Variants in DLG2 observed in about 807,000 individuals in gnomAD.
DLG2 encodes the protein discs large MAGUK scaffold protein 2, also known as disks large homolog 2.
DLG2 carries 45 observed loss-of-function variants against 132.5 expected under a neutral mutation model. That is an observed-to-expected ratio of 0.34 (90% confidence interval 0.27 to 0.44). The LOEUF is 0.44. Among genes scored for constraint, DLG2 ranks in the 20% least tolerant of loss-of-function variants. The pLI is 1.00. For synonymous variants in DLG2, 424 were observed against 419.6 expected (o/e 1.01, Z -0.13); for missense variants, 1,045 against 1,196.9 (o/e 0.87, Z 1.87).
chr11:85,055,965 A>G (rs535771509), intron 6 of DLG2, among the ~76,000 whole-genome samples: 5 of 152,286 alleles, frequency 3.3e-5, no homozygotes, highest in African/African-American at 1.2e-4. Flanking sequence ...CATTAAAGTG[A>G]TATCCCTGTA....
At chr11:84,475,681 G>C (rs2099119734) in intron 7 of DLG2, among the ~76,000 whole-genome samples, 1 of 152,096 alleles carries the variant, frequency 6.6e-6, no homozygotes. Flanking sequence ...TGTTTAGAGA[G>C]CATCACTGCA....
rs995356095 is a variant in DLG2, at chr11:84,230,270, G to T, written c.573+20968C>A. Among the ~76,000 whole-genome samples, 4 of 152,064 alleles carry T rather than the reference G, an allele frequency of 2.6e-5. No individual in the cohort carries two copies. The South Asian group carries it at 8.3e-4, about 31-fold the overall frequency. On this transcript the variant is annotated intron_variant, in intron 8 of 27. Coordinates refer to ENST00000376104, the MANE Select transcript of DLG2 (RefSeq NM_001142699.3). ...AGCCCCACAGCATCATTAGTAGTTT[G>T]TTTTCTTCCTGCTCTGTTATTATTC...
At position 84,273,258 on chromosome 11, in the gene DLG2, C is replaced by T. The variant is rs912132446; in HGVS notation, c.520-21967G>A. 29 of 1,456,864 alleles carry T rather than the reference C, an allele frequency of 2.0e-5. No individual in the cohort carries two copies. The Middle Eastern group carries it at 5.5e-4, about 28-fold the overall frequency. 90.2% of individuals were successfully genotyped at this position (1,456,864 alleles called of 1,614,324 possible). A position where few individuals can be genotyped will look rare whatever the true frequency, so the allele number is the denominator to read the frequency against. The stretch of plus-strand genomic sequence containing the variant: ...CGAGAAACACTTGGCCGTTGCATAG[C>T]GAAAGCTGGTAACACTCAAACTGAG... On this transcript the variant is annotated intron_variant, in intron 7 of 27. Transcript: ENST00000376104.
At chr11:84,910,202 T>C (rs1459285951) in intron 6 of DLG2, among the ~76,000 whole-genome samples, 2 of 152,192 alleles carry the variant, frequency 1.3e-5, no homozygotes, top group African/African-American at 4.8e-5. Context: ...CTACCCTCCT[T>C]CAGCCTCTAC....
At chr11:83,469,519 A>C (rs1591367642) in intron 24 of DLG2, 146 bp from the exon 25 acceptor site, 1 of 591,294 alleles carries the variant, frequency 1.7e-6, no homozygotes, top group Non-Finnish European at 2.8e-6. Flanking sequence ...TACTAGTCTT[A>C]CCCTCCCACC....
chr11:84,424,971 C>T (rs1004250156), intron 7 of DLG2, among the ~76,000 whole-genome samples: 11 of 152,008 alleles, frequency 7.2e-5, no homozygotes, highest in Non-Finnish European at 1.3e-4. Context: ...ACTGTTTAAG[C>T]AGTATAGAGT....
chr11:83,809,857 A>T (rs866721519), intron 17 of DLG2, among the ~76,000 whole-genome samples: 3 of 152,170 alleles, frequency 2.0e-5, no homozygotes, highest in Admixed American at 6.6e-5. Flanking sequence ...CATGAATATT[A>T]TATTAGAAGA....
intron 3 of DLG2, among the ~76,000 whole-genome samples, chr11:85,582,660 CAAAAAAAAAAAAAAAAAAAAAAAAA>C (rs59452629): frequency 0.018 from 496 of 27,114 alleles, 6 homozygotes; most frequent in Non-Finnish European, 0.027. Flanking sequence ...CCCATCTCTA[CAAAAAAAAAAAAAAAAAAAAAAAAA>C]AAAAAAAAAA....
At chr11:84,881,837 C>T (rs2087394355) in intron 6 of DLG2, among the ~76,000 whole-genome samples, 2 of 152,052 alleles carry the variant, frequency 1.3e-5, no homozygotes, top group African/African-American at 2.4e-5. Context: ...AGGCTGTAGG[C>T]CTACACCTCT....
chr11:84,178,157 TA>T (rs2096019974), intron 8 of DLG2, among the ~76,000 whole-genome samples: 2 of 152,148 alleles, frequency 1.3e-5, no homozygotes, highest in Non-Finnish European at 2.9e-5. Context: ...CCAGCAGCTT[TA>T]CTGCCAGAGG....
intron 4 of DLG2, among the ~76,000 whole-genome samples, chr11:85,202,898 A>G (rs2081571383): frequency 6.6e-6 from 1 of 151,878 alleles, no homozygotes; most frequent in Admixed American, 6.6e-5. Context: ...TAGTGAAAGC[A>G]GTACTCTAAG....
intron 8 of DLG2, among the ~76,000 whole-genome samples, chr11:84,249,800 C>T (rs976590466): frequency 3.3e-5 from 5 of 152,156 alleles, no homozygotes; most frequent in Admixed American, 6.5e-5. Context: ...ACCTTGTTTC[C>T]GGTCTGGTCC....
At chr11:83,540,047 C>T (rs574904185) in intron 20 of DLG2, among the ~76,000 whole-genome samples, 1 of 152,276 alleles carries the variant, frequency 6.6e-6, no homozygotes, top group African/African-American at 2.4e-5. Context: ...CTTTAGGCAG[C>T]TCCAACTAGT....
chr11:84,495,476 T>G (rs192700428), intron 7 of DLG2, among the ~76,000 whole-genome samples: 70 of 152,294 alleles, frequency 4.6e-4, no homozygotes, highest in African/African-American at 1.7e-3. Flanking sequence ...TTTACATGTA[T>G]GTCTCCTCTT....
intron 7 of DLG2, among the ~76,000 whole-genome samples, chr11:84,480,200 AC>A (rs1319739751): frequency 6.6e-6 from 1 of 152,044 alleles, no homozygotes; most frequent in African/African-American, 2.4e-5. Context: ...AATCTTGAGA[AC>A]CCCAAAATCT....
At chr11:85,367,672 A>C (rs531298501) in intron 3 of DLG2, among the ~76,000 whole-genome samples, 2 of 152,160 alleles carry the variant, frequency 1.3e-5, no homozygotes, top group African/African-American at 2.4e-5. Context: ...ATATGAAGAT[A>C]AAATACTTCA....
intron 5 of DLG2, among the ~76,000 whole-genome samples, chr11:85,135,331 T>C (rs913395960): frequency 1.6e-4 from 24 of 152,172 alleles, no homozygotes; most frequent in African/African-American, 5.8e-4. Context: ...TAATTCCAAG[T>C]CCAGGTCTTT....
rs114886252 is a variant in DLG2, at chr11:84,641,542, C to A, written c.358-106811G>T. ...CATGTTTCCGGGAGAGTCAGCAACT[C>A]TGGGGTGCTCCAAACCTGGTGTTTT... On this transcript the variant is annotated intron_variant, in intron 6 of 27. Transcript: ENST00000376104. Among the ~76,000 whole-genome samples the A allele has an allele frequency of 5.5e-3, 840 of 152,234 alleles. 9 individuals are homozygous for A. Among genetic ancestry groups the A allele is most frequent in the African/African-American group, 0.019 (807 of 41,550 alleles).
At chr11:84,498,316 G>C (rs190539374) in intron 7 of DLG2, among the ~76,000 whole-genome samples, 2 of 152,186 alleles carry the variant, frequency 1.3e-5, no homozygotes, top group African/African-American at 4.8e-5. Context: ...TACTTATTCA[G>C]TCAATCCAAT....
Sources: allele counts gnomAD v4.1 joint callset (sites outside exome capture counted in the v4.1 genomes callset), GRCh38; gene constraint gnomAD v4.1.1; transcripts MANE v1.5; gene names NCBI Gene and HGNC (gene_info 2026-07-23, HGNC 2026-07-21).